The following PRKCQ variants were observed in gnomAD, a reference collection of about 807,000 sequenced individuals.
PRKCQ encodes the protein protein kinase C theta type.
A neutral mutation model predicts 91.2 loss-of-function variants in PRKCQ; 41 were observed. The ratio of observed to expected loss-of-function variants is 0.45; its 90% CI spans 0.35 to 0.58. PRKCQ has a LOEUF of 0.58. Among genes scored for constraint, PRKCQ ranks in the 20% least tolerant of loss-of-function variants. The pLI, the probability that PRKCQ is intolerant of heterozygous loss-of-function variation, is 0.00. For missense variants in PRKCQ, 673 were observed against 896.5 expected, an observed-to-expected ratio of 0.75 and a Z score of 3.18; for synonymous variants, 307 against 316.9, an observed-to-expected ratio of 0.97 and a Z score of 0.33.
At chr10:6,522,615 C>T (rs2025818) in intron 1 of PRKCQ, among the ~76,000 whole-genome samples, 60,738 of 152,060 alleles carry the variant, frequency 0.4, 14,309 homozygotes, top group Admixed American at 0.56. Flanking sequence ...CATTCTCTTC[C>T]TCAGTAGCAA....
At chr10:6,548,784 A>C (rs1392661739) in intron 1 of PRKCQ, among the ~76,000 whole-genome samples, 1 of 151,588 alleles carries the variant, frequency 6.6e-6, no homozygotes, top group East Asian at 1.9e-4. Flanking sequence ...ACTAATGCTA[A>C]ATGACCAGTT....
At position 6,427,643 on chromosome 10, in the gene PRKCQ, T is replaced by TGG; in HGVS notation, c.*563_*564insCC. On this transcript the variant is annotated 3_prime_UTR_variant, in exon 18 of 18. Transcript: ENST00000263125. ...GATGAATGGATTTGTAGATCTCAAG[T>TGG]TACAAGCTATGTTTATTGTAAAGAA... 3 of 152,184 alleles carry TGG rather than the reference T, an allele frequency of 2.0e-5. No homozygotes were observed. Among genetic ancestry groups the TGG allele is most frequent in the Admixed American group, 6.5e-5 (1 of 15,318 alleles). The allele number at this position is 152,184 out of a possible 1,614,324, so 9.4% of individuals were successfully genotyped here.
At chr10:6,412,759 A>G in the PRKCQ span, among the ~76,000 whole-genome samples, 1 of 152,244 alleles carries the variant, frequency 6.6e-6, no homozygotes, top group African/African-American at 2.4e-5. Context: ...TTAGATCAGA[A>G]CCTCCTGACC....
In PRKCQ at chr10:6,571,753, G is replaced by A. The variant is rs1274325490; in HGVS notation, c.-10+8458C>T. ...TGGGAGGCAGATGTTGCAGTGAGCC[G>A]AGATTGAGTCACAGCACTCCAACCT... On this transcript the variant is annotated intron_variant, in intron 1 of 17. Transcript: ENST00000263125. 3.9e-5 allele frequency among the ~76,000 whole-genome samples: 6 copies of A among 152,254 alleles called. No individual in the cohort carries two copies. The South Asian group carries it at 8.3e-4, about 21-fold the overall frequency.
At chr10:6,435,125 T>C (rs1270479451) in intron 16 of PRKCQ, among the ~76,000 whole-genome samples, 1 of 152,164 alleles carries the variant, frequency 6.6e-6, no homozygotes, top group East Asian at 1.9e-4. Flanking sequence ...GGGTGTTTCT[T>C]TGGCAATCAT....
intron 12 of PRKCQ, among the ~76,000 whole-genome samples, chr10:6,466,887 G>A (rs1477039456): frequency 6.6e-6 from 1 of 152,134 alleles, no homozygotes; most frequent in Admixed American, 6.5e-5. Flanking sequence ...AAGAATGTGG[G>A]CTTCATCCTT....
At chr10:6,521,550 G>A (rs897039492) in intron 1 of PRKCQ, among the ~76,000 whole-genome samples, 3 of 152,216 alleles carry the variant, frequency 2.0e-5, no homozygotes, top group African/African-American at 7.2e-5. Context: ...TTAGAATGGG[G>A]CTGGCTCAAA....
chr10:6,521,910 AT>A (rs1839020759), intron 1 of PRKCQ, among the ~76,000 whole-genome samples: 2 of 40,644 alleles, frequency 4.9e-5, no homozygotes, highest in South Asian at 7.9e-4. Context: ...ATGTGATGTT[AT>A]GTTATGTTAT....
chr10:6,462,865 C>T (rs1023212292), intron 13 of PRKCQ, among the ~76,000 whole-genome samples: 2 of 152,010 alleles, frequency 1.3e-5, no homozygotes, highest in Admixed American at 6.6e-5. Context: ...ATTAGCAGGG[C>T]ATGGTGTTGG....
At chr10:6,503,489 A>T (rs1057240819) in intron 4 of PRKCQ, among the ~76,000 whole-genome samples, 2 of 152,212 alleles carry the variant, frequency 1.3e-5, no homozygotes, top group African/African-American at 4.8e-5. Flanking sequence ...TCAAAAACCC[A>T]ACAGAAGGGG....
chr10:6,489,610 G>A (rs976419146), intron 8 of PRKCQ: 32 of 394,798 alleles, frequency 8.1e-5, no homozygotes, highest in Admixed American at 3.4e-4. Context: ...AAAGGAGGAC[G>A]CGGGGGCATG....
At chr10:6,525,000 G>C (rs551227724) in intron 1 of PRKCQ, among the ~76,000 whole-genome samples, 1 of 152,188 alleles carries the variant, frequency 6.6e-6, no homozygotes, top group African/African-American at 2.4e-5. Flanking sequence ...CATTACAGCT[G>C]AACTACCAGG....
intron 1 of PRKCQ, among the ~76,000 whole-genome samples, chr10:6,557,042 T>A: frequency 6.6e-6 from 1 of 152,156 alleles, no homozygotes; most frequent in East Asian, 1.9e-4. Context: ...CCCTTGCCAT[T>A]CTTGTGATTT....
intron 1 of PRKCQ, among the ~76,000 whole-genome samples, chr10:6,549,622 A>G (rs77169626): frequency 0.01 from 1,364 of 130,026 alleles, 26 homozygotes; most frequent in African/African-American, 0.039. Flanking sequence ...CATAAAATTC[A>G]TCTTTTTTTT....
chr10:6,428,538 G>A (rs1833244527), intron 17 of PRKCQ, among the ~76,000 whole-genome samples, 176 bp from the exon 18 acceptor site: 1 of 152,180 alleles, frequency 6.6e-6, no homozygotes, highest in Non-Finnish European at 1.5e-5. Flanking sequence ...GAACATGGCT[G>A]TGATCCTGTG....
At chr10:6,445,480 G>A (rs1000584409) in intron 15 of PRKCQ, among the ~76,000 whole-genome samples, 2 of 152,126 alleles carry the variant, frequency 1.3e-5, no homozygotes, top group Admixed American at 1.3e-4. Context: ...TGTGAAAAAC[G>A]GGAATCATAT....
chr10:6,403,991 A>G, the PRKCQ span, among the ~76,000 whole-genome samples: 2 of 152,128 alleles, frequency 1.3e-5, no homozygotes. Context: ...TAGGGTGCAT[A>G]TGAGGAAAAG....
chr10:6,504,624 T>A (rs1008251608), intron 4 of PRKCQ, among the ~76,000 whole-genome samples: 7 of 152,232 alleles, frequency 4.6e-5, no homozygotes, highest in African/African-American at 1.7e-4. Flanking sequence ...TAATTTTATC[T>A]AATTGTCTAA....
At chr10:6,506,812 G>A (rs1164536050) in intron 4 of PRKCQ, among the ~76,000 whole-genome samples, 1 of 152,168 alleles carries the variant, frequency 6.6e-6, no homozygotes, top group Non-Finnish European at 1.5e-5. Context: ...CTGTGACTTA[G>A]GATTTTCTAA....
Sources: allele counts gnomAD v4.1 joint callset (sites outside exome capture counted in the v4.1 genomes callset), GRCh38; gene constraint gnomAD v4.1.1; transcripts MANE v1.5; gene names NCBI Gene and HGNC (gene_info 2026-07-23, HGNC 2026-07-21).